Variants in USP33 observed in about 807,000 individuals in gnomAD.
USP33 encodes the protein ubiquitin specific peptidase 33.
In USP33, 46 loss-of-function variants were observed where a neutral mutation model predicts 124.2. The observed-to-expected ratio is 0.37, with a 90% confidence interval of 0.29 to 0.47. The LOEUF is 0.47. Ranked by LOEUF, USP33 falls within the 20% of genes least tolerant of loss-of-function variation. The pLI is 0.99. For missense variants in USP33, 851 were observed against 1,070.6 expected, an observed-to-expected ratio of 0.79 and a Z score of 2.86; for synonymous variants, 350 against 352.3, an observed-to-expected ratio of 0.99 and a Z score of 0.07.
chr1:77,700,702 T>TC (rs1673910596), intron 22 of USP33, among the ~76,000 whole-genome samples: 1 of 151,624 alleles, frequency 6.6e-6, no homozygotes, highest in Non-Finnish European at 1.5e-5. Context: ...AGAATCTTTT[T>TC]TTTTTTTTTT....
intron 1 of USP33, among the ~76,000 whole-genome samples, chr1:77,757,810 T>C (rs1680939315): frequency 1.3e-5 from 2 of 152,230 alleles, no homozygotes; most frequent in East Asian, 3.8e-4. Context: ...GAAATGTTTC[T>C]GTCATGGGGA....
rs753109521 is a variant in USP33 at position 77,734,431 on chromosome 1, T to C, written c.455-15A>G. 9.3e-6 allele frequency: 14 copies of C among 1,508,428 alleles called. No individual in the cohort carries two copies. Among genetic ancestry groups the C allele is most frequent in the Admixed American group, 6.0e-5 (3 of 50,250 alleles). 93.4% of individuals were successfully genotyped at this position (1,508,428 alleles called of 1,614,324 possible). ...ACCTGTAAGACCTATTAAGAAAAAA[T>C]ATACATGAAGTCATCATTCAATAAT... On this transcript the variant is annotated splice_polypyrimidine_tract_variant and intron_variant, in intron 6 of 23. Coordinates refer to ENST00000370794, the MANE Select transcript of USP33 (RefSeq NM_201624.3).
At chr1:77,752,295 A>G (rs1680412608) in intron 1 of USP33, among the ~76,000 whole-genome samples, 1 of 152,022 alleles carries the variant, frequency 6.6e-6, no homozygotes, top group Non-Finnish European at 1.5e-5. Context: ...GTGTCACCAC[A>G]TCCAGCTAAA....
chr1:77,725,861 T>C, intron 10 of USP33, 99 bp from the exon 11 acceptor site: 1 of 1,142,500 alleles, frequency 8.8e-7, no homozygotes. Context: ...TTGAACACAA[T>C]CATATTAACA....
rs370071148 is a variant in USP33 at position 77,713,196 on chromosome 1, A to G, written c.2297+4T>C. The G allele has an allele frequency of 1.6e-5, 26 of 1,598,238 alleles. No individual in the cohort carries two copies. Among genetic ancestry groups the G allele is most frequent in the Non-Finnish European group, 2.2e-5 (26 of 1,175,418 alleles). On this transcript the variant is annotated splice_donor_region_variant and intron_variant, in intron 20 of 23. Coordinates refer to ENST00000370794, the MANE Select transcript of USP33 (RefSeq NM_201624.3). ...CACTGTATGGTCTGATTTAAAAAACAAACCTGCTATATAGGTTATCCCAAA... is the reference window on the plus strand; with the variant it reads ...CACTGTATGGTCTGATTTAAAAAACGAACCTGCTATATAGGTTATCCCAAA...
intron 15 of USP33, among the ~76,000 whole-genome samples, chr1:77,720,165 G>GAAAAAAAAAAAAAAAAAAAAAA (rs745681259): frequency 2.3e-5 from 1 of 42,742 alleles, no homozygotes; most frequent in African/African-American, 7.6e-5. Flanking sequence ...TGTCTCAAAT[G>GAAAAAAAAAAAAAAAAAAAAAA]AAAAAAAAAA....
intron 17 of USP33, among the ~76,000 whole-genome samples, chr1:77,716,270 G>C (rs1272839689): frequency 6.6e-6 from 1 of 151,962 alleles, no homozygotes; most frequent in African/African-American, 2.4e-5. Context: ...ATGTTGTCCA[G>C]GCTGTTCTCA....
At chr1:77,738,531 A>C (rs1291222071) in intron 5 of USP33, among the ~76,000 whole-genome samples, 1 of 151,298 alleles carries the variant, frequency 6.6e-6, no homozygotes, top group Admixed American at 6.6e-5. Flanking sequence ...CCTAGGCTGG[A>C]GTGCAGTGGC....
chr1:77,702,685 G>A (rs1451770308), intron 21 of USP33, among the ~76,000 whole-genome samples: 2 of 152,106 alleles, frequency 1.3e-5, no homozygotes, highest in East Asian at 1.9e-4. Flanking sequence ...GTCAATTCAG[G>A]TAGATACTCA....
intron 1 of USP33, among the ~76,000 whole-genome samples, chr1:77,745,959 A>C (rs1432435871): frequency 2.6e-5 from 4 of 152,208 alleles, no homozygotes; most frequent in African/African-American, 2.4e-5. Context: ...CCCTAACATC[A>C]CAATGAAAAG....
At chr1:77,736,376 T>G (rs1354733810) in intron 5 of USP33, among the ~76,000 whole-genome samples, 1 of 152,172 alleles carries the variant, frequency 6.6e-6, no homozygotes, top group Non-Finnish European at 1.5e-5. Context: ...TTTATTAACA[T>G]ATATATTTGA....
Position 77,711,731 on chromosome 1 carries a change from AG to A in USP33, c.2406+15del. On this transcript the variant is annotated intron_variant, in intron 21 of 23. Transcript: ENST00000370794. Reference sequence around the variant, plus strand: ...ATCTTTATCCTAGATCAATTTGAAAAGCATCACTTTTTTACCCGAATAAAAA... The same window carrying A: ...ATCTTTATCCTAGATCAATTTGAAAACATCACTTTTTTACCCGAATAAAAA... 1 of 1,598,010 alleles carries A rather than the reference AG, an allele frequency of 6.3e-7. No individual in the cohort carries two copies. The highest frequency in any genetic ancestry group is 8.5e-7 in the Non-Finnish European group (1 of 1,176,582).
At chr1:77,735,769 A>G (rs1389015328) in intron 6 of USP33, among the ~76,000 whole-genome samples, 1 of 152,226 alleles carries the variant, frequency 6.6e-6, no homozygotes, top group Admixed American at 6.5e-5. Context: ...CACTGACAAT[A>G]GAAAAATGAG....
chr1:77,753,584 C>G (rs1196117494), intron 1 of USP33, among the ~76,000 whole-genome samples: 4 of 151,980 alleles, frequency 2.6e-5, no homozygotes, highest in African/African-American at 7.2e-5. Context: ...AAGAGTGCCT[C>G]TCATAGAAAA....
At chr1:77,733,365 C>T (rs543758612) in intron 7 of USP33, among the ~76,000 whole-genome samples, 3 of 150,900 alleles carry the variant, frequency 2.0e-5, no homozygotes, top group Non-Finnish European at 4.4e-5. Flanking sequence ...TGCACTCTAA[C>T]CTGGGCAACA....
chr1:77,723,116 G>A (rs575848422), intron 12 of USP33, among the ~76,000 whole-genome samples: 1 of 152,130 alleles, frequency 6.6e-6, no homozygotes, highest in Non-Finnish European at 1.5e-5. Context: ...ATATGTGCCT[G>A]TCCAATGATG....
intron 8 of USP33, 101 bp downstream of exon 8, chr1:77,730,517 T>C (rs1188777989): frequency 6.1e-6 from 5 of 824,156 alleles, no homozygotes; most frequent in Non-Finnish European, 8.8e-6. Context: ...CTATCTCTCT[T>C]CTACTTTTTT....
chr1:77,697,957 T>C, intron 22 of USP33, 26 bp from the exon 23 acceptor site: 3 of 1,578,324 alleles, frequency 1.9e-6, no homozygotes, highest in East Asian at 2.3e-5. Flanking sequence ...TCAAAATGTA[T>C]TTTTCAAAGA....
chr1:77,736,289 T>G, intron 5 of USP33, 131 bp from the exon 6 acceptor site: 1 of 533,998 alleles, frequency 1.9e-6, no homozygotes, highest in Admixed American at 3.7e-5. Flanking sequence ...CCATAAGAAT[T>G]TGTGGTATTA....
Sources: gnomAD v4.1 joint callset for allele counts (sites outside exome capture counted in the v4.1 genomes callset) on GRCh38, gnomAD v4.1.1 for gene constraint, MANE v1.5 for transcripts, NCBI Gene and HGNC (gene_info 2026-07-23, HGNC 2026-07-21) for gene names.